G2E3: variants seen among roughly 807,000 people sequenced by gnomAD.
The protein encoded by G2E3 is G2/M phase-specific E3 ubiquitin-protein ligase.
Under a neutral mutation model 92.8 loss-of-function variants are expected in G2E3, and 35 were observed. The ratio of observed to expected loss-of-function variants is 0.38; its 90% confidence interval spans 0.29 to 0.50. The LOEUF is 0.50. Among genes scored for constraint, G2E3 ranks in the 20% least tolerant of loss-of-function variants. The pLI is 0.94. For synonymous variants in G2E3, 242 were observed against 272.4 expected (o/e 0.89, Z 1.10); for missense variants, 554 against 823.8 (o/e 0.67, Z 4.01).
At chr14:30,603,239 T>C (rs1245743918) in intron 10 of G2E3, among the ~76,000 whole-genome samples, 1 of 151,670 alleles carries the variant, frequency 6.6e-6, no homozygotes, top group Non-Finnish European at 1.5e-5. Context: ...GGCAGGAGAA[T>C]TGCTTGAACC....
chr14:30,603,582 C>G (rs1881684042), intron 10 of G2E3, among the ~76,000 whole-genome samples: 1 of 152,136 alleles, frequency 6.6e-6, no homozygotes, highest in African/African-American at 2.4e-5. Flanking sequence ...TGACTCATAC[C>G]TGTAATCCCA....
intron 12 of G2E3, among the ~76,000 whole-genome samples, chr14:30,608,602 T>C (rs1056338307): frequency 2.0e-5 from 3 of 152,218 alleles, no homozygotes; most frequent in Non-Finnish European, 4.4e-5. Context: ...CGCCTAAAAA[T>C]AGTTCATTTA....
intron 1 of G2E3, among the ~76,000 whole-genome samples, chr14:30,576,941 A>G (rs962517764): frequency 1.3e-5 from 2 of 152,160 alleles, no homozygotes; most frequent in South Asian, 4.2e-4. Context: ...AAAATGTTGG[A>G]TGGGGCCAGG....
At position 30,616,483 on chromosome 14, in the gene G2E3, A is replaced by T. The variant is rs767051349; in HGVS notation, c.2070A>T (p.Arg690Ser). 6.2e-7 allele frequency: 1 copy of T among 1,605,170 alleles called. No homozygotes were observed. Among genetic ancestry groups the T allele is most frequent in the Non-Finnish European group, 8.5e-7 (1 of 1,172,126 alleles). ...EFQENMDFTI[R>S]NTLRLEKEES... ...AAGAAAATATGGACTTCACCATAAG[A>T]AACACTCTAAGACTAGAAAAGGAAG... Residue 690 changes from arginine to serine, a missense_variant, in exon 15 of 15, where the codon AGA (arginine) becomes AGT (serine). This residue lies in a region of G2E3 where 397 missense variants were observed against 560.3 expected (regional missense o/e 0.71). Coordinates refer to ENST00000206595, the MANE Select transcript of G2E3 (RefSeq NM_017769.5).
At chr14:30,608,203 C>T in intron 12 of G2E3, 134 bp downstream of exon 12, 1 of 533,648 alleles carries the variant, frequency 1.9e-6, no homozygotes, top group South Asian at 4.0e-5. Flanking sequence ...TTCTGTTTAC[C>T]AGTGGAGTTC....
At chr14:30,612,495 T>C in intron 13 of G2E3, 116 bp downstream of exon 13, 1 of 652,532 alleles carries the variant, frequency 1.5e-6, no homozygotes, top group South Asian at 2.3e-5. Flanking sequence ...AGAAAAAAAT[T>C]TAAATGCTAT....
In G2E3 at chr14:30,565,191, G is replaced by A. The variant is rs766193968; in HGVS notation, c.-5+5919G>A. ...GCTATTATAGTGGACATGAAGTGGT[G>A]TCTCATTGTGGCTTTGATTTACTTA... On this transcript the variant is annotated intron_variant, in intron 1 of 14. Coordinates refer to ENST00000206595, the MANE Select transcript of G2E3 (RefSeq NM_017769.5). Among the ~76,000 whole-genome samples the A allele has an allele frequency of 3.9e-5, 6 of 152,244 alleles. No homozygotes were observed. In the South Asian group the frequency reaches 1.0e-3, roughly 26 times the overall value.
At chr14:30,594,878 C>T (rs1881199738) in intron 6 of G2E3, among the ~76,000 whole-genome samples, 1 of 150,612 alleles carries the variant, frequency 6.6e-6, no homozygotes, top group Non-Finnish European at 1.5e-5. Flanking sequence ...CCTGTAATCC[C>T]AGCATTCTGG....
chr14:30,562,611 C>CG (rs1879173831), intron 1 of G2E3, among the ~76,000 whole-genome samples: 3 of 151,788 alleles, frequency 2.0e-5, no homozygotes, highest in African/African-American at 7.2e-5. Flanking sequence ...TCCCTTTCCC[C>CG]GGGGGAGTTT....
Position 30,602,121 on chromosome 14 carries a change from G to C in G2E3, c.1000G>C (p.Asp334His), listed in dbSNP as rs563222555. The C allele has an allele frequency of 1.2e-6, 2 of 1,605,662 alleles. No individual in the cohort carries two copies. Among genetic ancestry groups the C allele is most frequent in the East Asian group, 4.5e-5 (2 of 44,806 alleles). ...PRQSPGSQSK[D>H]LLRQGSKFRR... is the part of the protein sequence containing the mutation. ...ACAGTCACCTGGATCCCAGAGTAAA[G>C]ATCTACTGAGGTATGTATTTTGAAT... The change falls in exon 10 of 15, where the codon GAT becomes CAT. Residue 334 changes from aspartate (D) to histidine (H), a missense_variant. Asp to His is a moderately conservative substitution (Grantham distance 81). Around this residue, in one of 3 missense-constraint regions of G2E3, gnomAD observed 397 missense variants for 560.3 expected, o/e 0.71. Coordinates refer to ENST00000206595, the MANE Select transcript of G2E3 (RefSeq NM_017769.5).
intron 4 of G2E3, 74 bp from the exon 5 acceptor site, chr14:30,592,245 GTATT>G: frequency 1.1e-5 from 14 of 1,224,782 alleles, no homozygotes; most frequent in Non-Finnish European, 1.7e-5. Context: ...CCCACCAGGA[GTATT>G]TATTTATGTC....
At chr14:30,597,350 C>A in intron 6 of G2E3, 70 bp from the exon 7 acceptor site, 1 of 802,182 alleles carries the variant, frequency 1.2e-6, no homozygotes, top group Non-Finnish European at 2.2e-6. Context: ...AGCACATGTT[C>A]TGTTACATAA....
In G2E3 at chr14:30,607,791, T is replaced by A. The variant is rs995097611; in HGVS notation, c.1319-97T>A. The A allele has an allele frequency of 2.1e-5, 12 of 582,594 alleles. No individual in the cohort carries two copies. The Admixed American group carries it at 2.1e-4, about 10-fold the overall frequency. The allele number at this position is 582,594 out of a possible 1,614,324, so 36.1% of individuals were successfully genotyped here. On this transcript the variant is annotated intron_variant, in intron 11 of 14. Transcript: ENST00000206595. ...ATAGCTTCTAAGAATTATATTTATC[T>A]AATGCTTAGATTTTTGGACTAATTT...
At position 30,619,423 on chromosome 14, in the gene G2E3, A is replaced by G. The variant is rs766974539; in HGVS notation, c.*2889A>G. On this transcript the variant is annotated 3_prime_UTR_variant, in exon 15 of 15. Coordinates refer to ENST00000206595, the MANE Select transcript of G2E3 (RefSeq NM_017769.5). ...AAAATGATCAGAACAAAATCATTAC[A>G]TTATAAACATGTAATTCTTTTATAT... 3 of 152,292 alleles carry G rather than the reference A, an allele frequency of 2.0e-5. No individual in the cohort carries two copies. Among genetic ancestry groups the G allele is most frequent in the Non-Finnish European group, 4.4e-5 (3 of 67,966 alleles). 9.4% of individuals were successfully genotyped at this position (152,292 alleles called of 1,614,324 possible).
At chr14:30,579,369 A>G (rs562175012) in intron 1 of G2E3, among the ~76,000 whole-genome samples, 3 of 152,356 alleles carry the variant, frequency 2.0e-5, no homozygotes, top group East Asian at 3.9e-4. Context: ...TAAACAAAAT[A>G]TTGAAAGCTT....
chr14:30,591,185 A>G (rs759954139), intron 4 of G2E3, among the ~76,000 whole-genome samples: 5 of 152,146 alleles, frequency 3.3e-5, no homozygotes, highest in African/African-American at 9.7e-5. Flanking sequence ...CCTTGTTGTC[A>G]GTTCATTGGG....
chr14:30,608,992 C>G (rs1336917799), intron 12 of G2E3, among the ~76,000 whole-genome samples: 8 of 152,158 alleles, frequency 5.3e-5, no homozygotes, highest in Non-Finnish European at 1.0e-4. Context: ...AAAAAAAAAG[C>G]ACAGGCTTGG....
chr14:30,612,437 T>A, intron 13 of G2E3, 58 bp downstream of exon 13: 1 of 1,037,570 alleles, frequency 9.6e-7, no homozygotes, highest in Non-Finnish European at 1.4e-6. Flanking sequence ...AGTGGTTAAT[T>A]ATCTTGTAAT....
At chr14:30,575,686 C>G (rs995289594) in intron 1 of G2E3, among the ~76,000 whole-genome samples, 3 of 152,156 alleles carry the variant, frequency 2.0e-5, no homozygotes, top group African/African-American at 7.2e-5. Flanking sequence ...GATGCAAAAT[C>G]AACATACAAA....
Sources: allele counts gnomAD v4.1 joint callset (sites outside exome capture counted in the v4.1 genomes callset), GRCh38; gene constraint gnomAD v4.1.1; regional missense constraint gnomAD v4.1.1; transcripts MANE v1.5; gene names NCBI Gene and HGNC (gene_info 2026-07-23, HGNC 2026-07-21).